ACSM6: variants seen among roughly 807,000 people sequenced by gnomAD.
The protein encoded by ACSM6 is acyl-coenzyme A synthetase ACSM6, mitochondrial.
Under a neutral mutation model 51.1 loss-of-function variants are expected in ACSM6, and 35 were observed. The observed-to-expected ratio is 0.69, with a 90% CI of 0.52 to 0.91. The LOEUF is 0.91. Among genes scored for constraint, ACSM6 ranks in the 40% least tolerant of loss-of-function variants. The pLI is 0.00. For missense variants in ACSM6, 509 were observed against 584.1 expected (o/e 0.87, Z 1.32); for synonymous variants, 172 against 207.3 (o/e 0.83, Z 1.46).
chr10:95,219,916 C>T (rs769337864), exon 9 of ACSM6: 9 of 1,613,640 alleles, frequency 5.6e-6, no homozygotes, highest in Non-Finnish European at 6.8e-6. Flanking sequence ...ACTTCCAAAA[C>T]AATAAAATTG....
chr10:95,228,401 G>A, intron 10 of ACSM6: 1 of 424,480 alleles, frequency 2.4e-6, no homozygotes, highest in Non-Finnish European at 4.2e-6. Context: ...AAACCTCTGA[G>A]TGAAGTGCCA....
chr10:95,212,617 A>C (rs2034904048), intron 6 of ACSM6, among the ~76,000 whole-genome samples: 1 of 152,206 alleles, frequency 6.6e-6, no homozygotes, highest in Non-Finnish European at 1.5e-5. Flanking sequence ...CTCGCTGTGT[A>C]TGCATTCGGT....
At chr10:95,201,670 C>A in intron 2 of ACSM6, 1 of 513,680 alleles carries the variant, frequency 1.9e-6, no homozygotes, top group South Asian at 1.6e-5. Context: ...TTTGGGTAGA[C>A]ACCCAGTAGT....
chr10:95,212,610 G>T (rs1025715039), intron 6 of ACSM6, among the ~76,000 whole-genome samples: 1 of 152,154 alleles, frequency 6.6e-6, no homozygotes, highest in Non-Finnish European at 1.5e-5. Context: ...TAAATGCCTC[G>T]CTGTGTATGC....
At chr10:95,225,892 T>C (rs1173743156) in intron 10 of ACSM6, 1 of 152,286 alleles carries the variant, frequency 6.6e-6, no homozygotes, top group Non-Finnish European at 1.5e-5. Context: ...TCCACCACCA[T>C]GTTTTTCGTG....
At chr10:95,204,633 T>A (rs1262685158) in intron 3 of ACSM6, among the ~76,000 whole-genome samples, 1 of 152,132 alleles carries the variant, frequency 6.6e-6, no homozygotes, top group African/African-American at 2.4e-5. Flanking sequence ...CTTAAATGAT[T>A]TAAAGATAAC....
At chr10:95,201,326 C>T (rs2034792372) in intron 2 of ACSM6, 4 of 379,060 alleles carry the variant, frequency 1.1e-5, no homozygotes, top group South Asian at 7.6e-5. Flanking sequence ...CCCCTCCAGC[C>T]TCCCCAATGT....
intron 3 of ACSM6, among the ~76,000 whole-genome samples, chr10:95,203,243 T>C (rs2034811927): frequency 6.6e-6 from 1 of 152,074 alleles, no homozygotes; most frequent in Admixed American, 6.5e-5. Flanking sequence ...TCTGCCACTG[T>C]CTCCCATCAC....
Position 95,228,453 on chromosome 10 carries a change from GAAGTT to G in ACSM6, c.1303-187_1303-183del, listed in dbSNP as rs2035062847. The G allele has an allele frequency of 3.9e-6, 2 of 510,196 alleles. 1 individual carries two copies. The highest frequency in any genetic ancestry group is 7.9e-5 in the South Asian group (2 of 25,330). The allele number at this position is 510,196 out of a possible 1,614,324, so 31.6% of individuals were successfully genotyped here. A position where few individuals can be genotyped will look rare whatever the true frequency, so the allele number is the denominator to read the frequency against. On this transcript the variant is annotated intron_variant, in intron 10 of 10. Transcript: ENST00000341686. ...TAGCTGGGACAAAAAAAAAAAAGCT[GAAGTT>G]AAGAGAAATGACCAAGGAAAGTTCT... is the stretch of plus-strand genomic sequence containing the variant.
At chr10:95,197,628 C>CTCA (rs2034746374) in intron 2 of ACSM6, among the ~76,000 whole-genome samples, 1 of 152,228 alleles carries the variant, frequency 6.6e-6, no homozygotes, top group Non-Finnish European at 1.5e-5. Flanking sequence ...CGGTTTTTCT[C>CTCA]TCATCTCAGA....
chr10:95,208,933 T>TAAAAAAAAAAAAAAAAAAAAAAA (rs34370150), intron 4 of ACSM6, among the ~76,000 whole-genome samples: 1 of 33,918 alleles, frequency 2.9e-5, no homozygotes, highest in Non-Finnish European at 5.5e-5. Flanking sequence ...CAGGGATGTT[T>TAAAAAAAAAAAAAAAAAAAAAAA]AAAAAAAAAA....
At chr10:95,200,920 G>A (rs1157666193) in intron 2 of ACSM6, among the ~76,000 whole-genome samples, 1 of 152,152 alleles carries the variant, frequency 6.6e-6, no homozygotes, top group African/African-American at 2.4e-5. Flanking sequence ...CTCAGGGAGA[G>A]AAGAGGACAA....
chr10:95,225,889 CCAT>C (rs1432987010), intron 10 of ACSM6: 1 of 152,266 alleles, frequency 6.6e-6, no homozygotes, highest in Non-Finnish European at 1.5e-5. Context: ...TGTTCCACCA[CCAT>C]GTTTTTCGTG....
intron 9 of ACSM6, among the ~76,000 whole-genome samples, chr10:95,222,176 A>G (rs1270219031): frequency 2.0e-5 from 3 of 152,236 alleles, no homozygotes; most frequent in Non-Finnish European, 4.4e-5. Flanking sequence ...TGTGCAGAAA[A>G]TTATATTTCT....
chr10:95,202,003 TA>T lies in ACSM6; in HGVS notation c.212del (p.Tyr71SerfsTer21). On this transcript the variant is annotated frameshift_variant, in exon 3 of 11. Coordinates refer to ENST00000341686, the Ensembl canonical transcript of ACSM6. LOFTEE classifies it high-confidence loss of function. ...TGCCTAGGACGGACTCAGAGGGCCTTACCCCGCCCTCTGGAAGGTTAGTGCC... is the reference window on the plus strand; with the variant it reads ...TGCCTAGGACGGACTCAGAGGGCCTTCCCCGCCCTCTGGAAGGTTAGTGCC... 1 of 1,551,666 alleles carries T rather than the reference TA, an allele frequency of 6.4e-7. No individual in the cohort carries two copies. Among genetic ancestry groups the T allele is most frequent in the Middle Eastern group, 1.7e-4 (1 of 5,990 alleles).
chr10:95,198,699 G>T (rs1414711134), intron 2 of ACSM6, among the ~76,000 whole-genome samples: 1 of 151,932 alleles, frequency 6.6e-6, no homozygotes, highest in Non-Finnish European at 1.5e-5. Context: ...AATTATCTCT[G>T]ACGGCCTAGG....
At chr10:95,214,856 A>G in exon 8 of ACSM6, 4 of 1,551,404 alleles carry the variant, frequency 2.6e-6, no homozygotes, top group Non-Finnish European at 2.6e-6. Context: ...CTCCAGCTAC[A>G]GATTCAAGAG....
intron 2 of ACSM6, chr10:95,201,347 C>A: frequency 2.6e-6 from 1 of 390,124 alleles, no homozygotes; most frequent in Non-Finnish European, 5.2e-6. Flanking sequence ...CTATTATTTC[C>A]ATCTTTATGT....
At chr10:95,212,138 A>G in intron 6 of ACSM6, 104 bp downstream of exon 6, 1 of 1,375,282 alleles carries the variant, frequency 7.3e-7, no homozygotes. Flanking sequence ...CAAGAGTTAA[A>G]TTTGGAATGT....
Sources: allele counts gnomAD v4.1 joint callset (sites outside exome capture counted in the v4.1 genomes callset), GRCh38; gene constraint gnomAD v4.1.1; transcripts MANE v1.5; gene names NCBI Gene and HGNC (gene_info 2026-07-23, HGNC 2026-07-21).